Variants in RASGEF1C observed in about 807,000 individuals in gnomAD.
The protein encoded by RASGEF1C is ras-GEF domain-containing family member 1C.
RASGEF1C carries 27 observed loss-of-function variants against 58.1 expected under a neutral mutation model. The observed-to-expected ratio is 0.46, with a 90% CI of 0.34 to 0.64. The LOEUF (loss-of-function observed/expected upper bound fraction) is 0.64, where lower values mean the gene tolerates loss of function less well. RASGEF1C is among the 30% of genes least tolerant of loss of function. The pLI, the probability that RASGEF1C is intolerant of heterozygous loss-of-function variation, is 0.01. For missense variants in RASGEF1C, 502 were observed against 605.1 expected, an observed-to-expected ratio of 0.83 and a Z score of 1.79; for synonymous variants, 243 against 246.3, an observed-to-expected ratio of 0.99 and a Z score of 0.13.
At chr5:180,148,051 A>G (rs771099028) in intron 1 of RASGEF1C, among the ~76,000 whole-genome samples, 43 of 152,118 alleles carry the variant, frequency 2.8e-4, no homozygotes, top group Non-Finnish European at 4.7e-4. Flanking sequence ...AATGTTTATA[A>G]TTGTTAAGTC....
At chr5:180,139,103 A>G (rs1766535160) in intron 1 of RASGEF1C, among the ~76,000 whole-genome samples, 1 of 152,002 alleles carries the variant, frequency 6.6e-6, no homozygotes, top group Admixed American at 6.5e-5. Flanking sequence ...ATCCTCTGTG[A>G]CCCTGCTCTG....
At chr5:180,182,690 T>C (rs913679841) in intron 1 of RASGEF1C, among the ~76,000 whole-genome samples, 1 of 152,096 alleles carries the variant, frequency 6.6e-6, no homozygotes, top group Non-Finnish European at 1.5e-5. Context: ...TTTACAATCC[T>C]TTAGCTAGAC....
chr5:180,132,924 C>T (rs1445330942), intron 4 of RASGEF1C, among the ~76,000 whole-genome samples: 3 of 149,792 alleles, frequency 2.0e-5, no homozygotes, highest in Non-Finnish European at 3.0e-5. Context: ...AGCCAAATCA[C>T]GCCACTGTAC....
At chr5:180,134,741 T>C (rs1766438582) in intron 4 of RASGEF1C, among the ~76,000 whole-genome samples, 2 of 134,048 alleles carry the variant, frequency 1.5e-5, no homozygotes, top group South Asian at 5.6e-4. Flanking sequence ...CCCCATCTCT[T>C]CACCCAGCTG....
At chr5:180,193,471 CCCCTGGGGG>C (rs1418591865) in intron 1 of RASGEF1C, among the ~76,000 whole-genome samples, 1 of 152,142 alleles carries the variant, frequency 6.6e-6, no homozygotes. Flanking sequence ...AGATCTGATT[CCCCTGGGGG>C]GAAAGTCAGG....
chr5:180,152,695 C>T (rs1205587131), intron 1 of RASGEF1C, among the ~76,000 whole-genome samples: 2 of 151,054 alleles, frequency 1.3e-5, no homozygotes, highest in Non-Finnish European at 2.9e-5. Context: ...CACATGTACC[C>T]TAGAACTTAA....
At chr5:180,186,935 A>G (rs1298606514) in intron 1 of RASGEF1C, among the ~76,000 whole-genome samples, 4 of 152,228 alleles carry the variant, frequency 2.6e-5, no homozygotes, top group Non-Finnish European at 5.9e-5. Flanking sequence ...TGACAGAGCA[A>G]GACTCAGTCT....
intron 12 of RASGEF1C, among the ~76,000 whole-genome samples, chr5:180,105,823 G>A (rs1006854128): frequency 2.6e-5 from 4 of 152,054 alleles, no homozygotes; most frequent in South Asian, 2.1e-4. Context: ...AGCCGAGATC[G>A]TGCCACTGCA....
intron 4 of RASGEF1C, chr5:180,135,180 G>A (rs1371951265): frequency 6.6e-6 from 1 of 152,364 alleles, no homozygotes; most frequent in East Asian, 1.9e-4. Flanking sequence ...CAGAGGAGGG[G>A]AGAAGTGTGG....
At chr5:180,105,953 A>T (rs1003896613) in intron 12 of RASGEF1C, among the ~76,000 whole-genome samples, 5 of 152,228 alleles carry the variant, frequency 3.3e-5, no homozygotes. Flanking sequence ...GTGGCCACTA[A>T]GTGACTGATA....
chr5:180,187,829 T>C (rs1304009507), intron 1 of RASGEF1C, among the ~76,000 whole-genome samples: 2 of 152,152 alleles, frequency 1.3e-5, no homozygotes, highest in African/African-American at 4.8e-5. Context: ...ATGGCCATAA[T>C]CAACAAAACA....
At chr5:180,126,423 C>G (rs1001723260) in intron 6 of RASGEF1C, among the ~76,000 whole-genome samples, 1 of 151,810 alleles carries the variant, frequency 6.6e-6, no homozygotes, top group Non-Finnish European at 1.5e-5. Context: ...GAAAAAAAAT[C>G]TCCCTCCCGT....
In RASGEF1C at chr5:180,140,114, C is replaced by T. The variant is rs551636510; in HGVS notation, c.-6-2056G>A. ...CTGGCCTGGACCCAGGTGCTGGGCA[C>T]ATGGGAGGTGGGAGCAGTGTTCAGA... On this transcript the variant is annotated intron_variant, in intron 1 of 13. Transcript: ENST00000361132. Among the ~76,000 whole-genome samples the T allele has an allele frequency of 6.6e-5, 10 of 152,268 alleles. No homozygotes were observed. The South Asian group carries it at 2.1e-3, about 32-fold the overall frequency.
Position 180,209,055 on chromosome 5 carries a change from C to A in RASGEF1C, c.-34G>T, listed in dbSNP as rs1756549359. 6.8e-6 allele frequency: 1 copy of A among 146,992 alleles called. No homozygotes were observed. The highest frequency in any genetic ancestry group is 2.5e-5 in the African/African-American group (1 of 40,810). The allele number at this position is 146,992 out of a possible 1,614,324, so 9.1% of individuals were successfully genotyped here. ...GCTCCCGGCGCGCCGGAACTCCGGG[C>A]CCGGCCCATGGGCAGCTCCCGGTGC... On this transcript the variant is annotated 5_prime_UTR_variant, in exon 1 of 14. Transcript: ENST00000361132.
chr5:180,132,796 CTG>C (rs1317191988), intron 4 of RASGEF1C, among the ~76,000 whole-genome samples: 30 of 152,126 alleles, frequency 2.0e-4, no homozygotes, highest in Admixed American at 2.0e-3. Context: ...TAGTGAAACC[CTG>C]TCTCTACTAA....
chr5:180,128,380 G>T (rs753582480), intron 5 of RASGEF1C, 30 bp downstream of exon 5: 6 of 1,589,350 alleles, frequency 3.8e-6, no homozygotes, highest in African/African-American at 2.7e-5. Flanking sequence ...GCTGAATCCC[G>T]GGTGAGGAAG....
intron 12 of RASGEF1C, among the ~76,000 whole-genome samples, chr5:180,111,239 T>C (rs1765954177): frequency 6.6e-6 from 1 of 152,130 alleles, no homozygotes; most frequent in Non-Finnish European, 1.5e-5. Context: ...CGGGGGTCCT[T>C]GAGGCCCCAG....
chr5:180,115,640 C>T (rs1287333692), intron 10 of RASGEF1C, among the ~76,000 whole-genome samples: 4 of 152,216 alleles, frequency 2.6e-5, no homozygotes, highest in Middle Eastern at 3.2e-3. Flanking sequence ...ATCAAGCCTG[C>T]GTGCCTCACT....
chr5:180,182,208 A>G (rs1160935945), intron 1 of RASGEF1C, among the ~76,000 whole-genome samples: 4 of 140,262 alleles, frequency 2.9e-5, no homozygotes, highest in Admixed American at 2.8e-4. Flanking sequence ...CCGTCTCAAA[A>G]AAAAAAAAAA....
Sources: allele counts gnomAD v4.1 joint callset (sites outside exome capture counted in the v4.1 genomes callset), GRCh38; gene constraint gnomAD v4.1.1; transcripts MANE v1.5; gene names NCBI Gene and HGNC (gene_info 2026-07-23, HGNC 2026-07-21).